Variants in SPG11 observed in about 807,000 individuals in gnomAD.
SPG11 encodes the protein spatacsin.
SPG11 carries 222 observed loss-of-function variants against 274.0 expected under a neutral mutation model. The ratio of observed to expected loss-of-function variants is 0.81; its 90% confidence interval spans 0.73 to 0.91. SPG11 has a LOEUF of 0.91. Ranked by LOEUF, SPG11 falls within the 40% of genes least tolerant of loss-of-function variation. The pLI, the probability that SPG11 is intolerant of heterozygous loss-of-function variation, is 0.00. For missense variants in SPG11, 3,114 were observed against 2,872.7 expected (o/e 1.08, Z -1.92); for synonymous variants, 1,144 against 1,039.7 (o/e 1.10, Z -1.93).
Position 44,573,537 on chromosome 15 carries a change from G to A in SPG11, c.6205+10C>T, listed in dbSNP as rs548551204. 3 of 1,614,050 alleles carry A rather than the reference G, an allele frequency of 1.9e-6. No individual in the cohort carries two copies. Among genetic ancestry groups the A allele is most frequent in the Non-Finnish European group, 2.5e-6 (3 of 1,179,972 alleles). The stretch of plus-strand genomic sequence containing the variant: ...TCAGAGAGGTTGGGAATCCCCGGGG[G>A]GTAGGGCACCTGTTCCCTGTGATGA... On this transcript the variant is annotated intron_variant, in intron 32 of 39. Transcript: ENST00000261866.
At chr15:44,604,498 T>G (rs73417599) in intron 20 of SPG11, among the ~76,000 whole-genome samples, 4,838 of 152,220 alleles carry the variant, frequency 0.032, 234 homozygotes, top group African/African-American at 0.11. Flanking sequence ...AAGAGAAAAT[T>G]CATTCTAGAG....
rs559254774 is a variant in SPG11 at position 44,627,923 on chromosome 15, G to C, written c.2067+746C>G. Among the ~76,000 whole-genome samples, 101 of 152,240 alleles carry C rather than the reference G, an allele frequency of 6.6e-4. No individual in the cohort carries two copies. In the Middle Eastern group the frequency reaches 0.014, roughly 21 times the overall value. ...CTTTTTAAGGTTACAGAATGAATAA[G>C]AGATACAGAAAATGCAGTCACACCA... On this transcript the variant is annotated intron_variant, in intron 10 of 39. Coordinates refer to ENST00000261866, the MANE Select transcript of SPG11 (RefSeq NM_025137.4).
At chr15:44,597,180 C>A (rs1275721050) in intron 23 of SPG11, 1 of 388,652 alleles carries the variant, frequency 2.6e-6, no homozygotes, top group East Asian at 5.8e-5. Context: ...ATGGTGCGAT[C>A]TCAGCTCACT....
chr15:44,627,018 G>T (rs896578702), intron 10 of SPG11, among the ~76,000 whole-genome samples: 2 of 152,218 alleles, frequency 1.3e-5, no homozygotes, highest in African/African-American at 4.8e-5. Context: ...TAACTGGAGA[G>T]AGTAGCAGAT....
intron 19 of SPG11, among the ~76,000 whole-genome samples, chr15:44,608,140 C>T (rs2083368754): frequency 6.6e-6 from 1 of 152,206 alleles, no homozygotes; most frequent in African/African-American, 2.4e-5. Context: ...TACCTCTATA[C>T]TCTATGTTCC....
intron 18 of SPG11, among the ~76,000 whole-genome samples, chr15:44,610,185 G>C (rs909388074): frequency 6.0e-5 from 9 of 151,222 alleles, no homozygotes; most frequent in African/African-American, 2.2e-4. Flanking sequence ...TTACAGGTGT[G>C]AGCCACCGCA....
Position 44,584,239 on chromosome 15 carries a change from T to C in SPG11, c.5441A>G (p.Asn1814Ser). Reference protein sequence around the residue: ...CRITQHTLGRNQEETEPRFSR... With the variant: ...CRITQHTLGRSQEETEPRFSR... ...AAATCTGGGCTCTGTTTCCTCCTGATTTCTTCCAAGAGTGTGCTGGGTGAT... is the reference window on the plus strand; with the variant it reads ...AAATCTGGGCTCTGTTTCCTCCTGACTTCTTCCAAGAGTGTGCTGGGTGAT... The change falls in exon 30 of 40, where the codon AAT (asparagine) becomes AGT (serine). Residue 1814 changes from asparagine (N) to serine (S), a missense_variant. Coordinates refer to ENST00000261866, the MANE Select transcript of SPG11 (RefSeq NM_025137.4). The C allele has an allele frequency of 6.2e-7, 1 of 1,614,212 alleles. No homozygotes were observed. Among genetic ancestry groups the C allele is most frequent in the South Asian group, 1.1e-5 (1 of 91,090 alleles).
chr15:44,606,354 T>C (rs1400293734), intron 19 of SPG11, among the ~76,000 whole-genome samples: 1 of 152,152 alleles, frequency 6.6e-6, no homozygotes, highest in African/African-American at 2.4e-5. Context: ...GGCTATACTC[T>C]TTTGGTAGAG....
At chr15:44,603,878 T>C (rs760001081) in intron 20 of SPG11, among the ~76,000 whole-genome samples, 29 of 152,206 alleles carry the variant, frequency 1.9e-4, no homozygotes, top group Non-Finnish European at 3.2e-4. Flanking sequence ...TTCTATTGTT[T>C]TTCTTTTTTT....
intron 20 of SPG11, among the ~76,000 whole-genome samples, chr15:44,603,053 ATTT>A (rs988355401): frequency 4.6e-5 from 6 of 131,232 alleles, no homozygotes; most frequent in Non-Finnish European, 4.9e-5. Context: ...CCAACAGGCA[ATTT>A]TTTTTTTTTT....
At chr15:44,597,857 A>G (rs891344548) in intron 23 of SPG11, among the ~76,000 whole-genome samples, 2 of 152,202 alleles carry the variant, frequency 1.3e-5, no homozygotes, top group East Asian at 3.9e-4. Flanking sequence ...AAAAGTAAGG[A>G]CATGACTTAA....
rs1456162070 is a variant in SPG11 at position 44,595,311 on chromosome 15, A to G, written c.4583T>C (p.Leu1528Ser). Residue 1528 changes from leucine (L) to serine (S), a missense_variant, in exon 26 of 40, where the codon TTA becomes TCA. Transcript: ENST00000261866. ...GAGAGTTTTGCTCTTTTGTCTTGTTAATAATGTTCTCCAGATGACTGAAAG... is the reference window on the plus strand; with the variant it reads ...GAGAGTTTTGCTCTTTTGTCTTGTTGATAATGTTCTCCAGATGACTGAAAG... ...EDLSVIWRTL[L>S]TRQKSKTLIR... 1 of 1,614,092 alleles carries G rather than the reference A, an allele frequency of 6.2e-7. No individual in the cohort carries two copies. Among genetic ancestry groups the G allele is most frequent in the African/African-American group, 1.3e-5 (1 of 74,944 alleles).
At chr15:44,641,586 TACACACACAC>T (rs147901004) in intron 7 of SPG11, among the ~76,000 whole-genome samples, 122 of 112,486 alleles carry the variant, frequency 1.1e-3, no homozygotes, top group African/African-American at 2.9e-3. Context: ...CCAAATATCT[TACACACACAC>T]ACACACACAC....
rs747973076 is a variant in SPG11, at chr15:44,595,404, T to C, written c.4490A>G (p.Asn1497Ser). ...CVWIITSVED[N>S]VATEAMGHIQ... ...GTGTCCCATTGCTTCAGTTGCAACA[T>C]TGTCCTCCACAGAAGTGATGATCCA... is the stretch of plus-strand genomic sequence containing the variant. The change falls in exon 26 of 40, where the codon AAT (asparagine) becomes AGT (serine). Residue 1497 changes from asparagine (N) to serine (S), a missense_variant. By Grantham distance (46) the Asn-to-Ser change is conservative. Coordinates refer to ENST00000261866, the MANE Select transcript of SPG11 (RefSeq NM_025137.4). 8.5e-5 allele frequency: 138 copies of C among 1,614,094 alleles called. No homozygotes were observed. Among genetic ancestry groups the C allele is most frequent in the African/African-American group, 3.5e-4 (26 of 74,926 alleles).
At chr15:44,659,383 C>T (rs1255950042) in intron 2 of SPG11, 80 bp from the exon 3 acceptor site, 10 of 1,290,052 alleles carry the variant, frequency 7.8e-6, no homozygotes, top group Middle Eastern at 2.6e-4. Context: ...AAACCTAATA[C>T]AAAAAAGTAA....
At position 44,577,167 on chromosome 15, in the gene SPG11, A is replaced by G. The variant is rs139901150; in HGVS notation, c.5867-2126T>C. On this transcript the variant is annotated intron_variant, in intron 30 of 39. Coordinates refer to ENST00000261866, the MANE Select transcript of SPG11 (RefSeq NM_025137.4). ...ACTTTATGCGTTTCTATGTTATGTG[A>G]TTTGCTACACTAAGCACAATTTTTA... Among the ~76,000 whole-genome samples, 669 of 152,014 alleles carry G rather than the reference A, an allele frequency of 4.4e-3. 4 individuals carry two copies. Among genetic ancestry groups the G allele is most frequent in the African/African-American group, 0.016 (648 of 41,468 alleles).
At chr15:44,652,508 C>G (rs745655950) in intron 4 of SPG11, among the ~76,000 whole-genome samples, 1 of 152,170 alleles carries the variant, frequency 6.6e-6, no homozygotes, top group Non-Finnish European at 1.5e-5. Context: ...TACTATATTT[C>G]AGATGTTATG....
At chr15:44,628,208 C>T (rs2083957521) in intron 10 of SPG11, among the ~76,000 whole-genome samples, 1 of 152,116 alleles carries the variant, frequency 6.6e-6, no homozygotes, top group South Asian at 2.1e-4. Context: ...ATTTAACTGG[C>T]AAAATGTCTT....
At chr15:44,661,703 T>C (rs1298542011) in intron 1 of SPG11, among the ~76,000 whole-genome samples, 1 of 152,080 alleles carries the variant, frequency 6.6e-6, no homozygotes, top group Non-Finnish European at 1.5e-5. Context: ...TAAACTAAGA[T>C]ATACTTAAAA....
Sources: allele counts gnomAD v4.1 joint callset (sites outside exome capture counted in the v4.1 genomes callset), GRCh38; gene constraint gnomAD v4.1.1; transcripts MANE v1.5; gene names NCBI Gene and HGNC (gene_info 2026-07-23, HGNC 2026-07-21).